CNTN1: variants seen among roughly 807,000 people sequenced by gnomAD.
The protein encoded by CNTN1 is contactin-1.
A neutral mutation model predicts 126.4 loss-of-function variants in CNTN1; 38 were observed. That is an observed-to-expected ratio of 0.30 (90% CI 0.23 to 0.39). The LOEUF is 0.39. Among genes scored for constraint, CNTN1 ranks in the 10% least tolerant of loss-of-function variants. The pLI is 1.00. For missense variants in CNTN1, 1,009 were observed against 1,248.4 expected (o/e 0.81, Z 2.89); for synonymous variants, 413 against 422.6 (o/e 0.98, Z 0.28).
At chr12:41,003,684 G>A (rs1312481881) in intron 17 of CNTN1, among the ~76,000 whole-genome samples, 1 of 151,754 alleles carries the variant, frequency 6.6e-6, no homozygotes, top group Non-Finnish European at 1.5e-5. Flanking sequence ...CTTGGGAGAG[G>A]GTATGTATCC....
rs572171987 is a variant in CNTN1 at position 40,729,410 on chromosome 12, G to A, written c.-77+36818G>A. ...GGAAGAAGGTGATATTGTTAATGTC[G>A]ACATCACTCTTTATTGCATTGGTTA... On this transcript the variant is annotated intron_variant, in intron 1 of 23. Transcript: ENST00000551295. 84 of 154,470 alleles carry A rather than the reference G, an allele frequency of 5.4e-4. 2 individuals carry two copies. The South Asian group carries it at 0.016, about 29-fold the overall frequency. The allele number at this position is 154,470 out of a possible 1,614,324, so 9.6% of individuals were successfully genotyped here.
At chr12:40,995,194 G>A (rs536328125) in intron 17 of CNTN1, among the ~76,000 whole-genome samples, 39 of 152,122 alleles carry the variant, frequency 2.6e-4, no homozygotes, top group African/African-American at 9.4e-4. Context: ...TTTACTTATA[G>A]CAGTCCCTGT....
chr12:40,792,718 G>T (rs1357841315), intron 1 of CNTN1, among the ~76,000 whole-genome samples: 2 of 151,836 alleles, frequency 1.3e-5, no homozygotes, highest in Admixed American at 1.3e-4. Context: ...ACTTTTGTGG[G>T]TCTTTTTAGT....
chr12:41,029,316 TC>T (rs1490301548), intron 23 of CNTN1, 97 bp downstream of exon 23: 2 of 1,327,192 alleles, frequency 1.5e-6, no homozygotes, highest in African/African-American at 1.4e-5. Flanking sequence ...TACACCAGTG[TC>T]CATATTTTCC....
intron 15 of CNTN1, among the ~76,000 whole-genome samples, chr12:40,971,059 T>G (rs1947493040): frequency 6.6e-6 from 1 of 152,204 alleles, no homozygotes. Flanking sequence ...CTTATTACTT[T>G]TATTCTTAGA....
chr12:41,036,502 C>A (rs1312500807), intron 23 of CNTN1, among the ~76,000 whole-genome samples: 1 of 152,114 alleles, frequency 6.6e-6, no homozygotes, highest in African/African-American at 2.4e-5. Flanking sequence ...GCTTCTAAAT[C>A]AGTTTCATGG....
intron 19 of CNTN1, among the ~76,000 whole-genome samples, chr12:41,018,728 A>G (rs1201119627): frequency 6.6e-6 from 1 of 151,364 alleles, no homozygotes; most frequent in Non-Finnish European, 1.5e-5. Context: ...GTATGTGTGT[A>G]TTTTTTTACT....
At chr12:40,702,064 A>C (rs1204018674) in intron 1 of CNTN1, among the ~76,000 whole-genome samples, 1 of 151,528 alleles carries the variant, frequency 6.6e-6, no homozygotes, top group Non-Finnish European at 1.5e-5. Flanking sequence ...TAGAATCTAC[A>C]TAAACGGAAT....
intron 3 of CNTN1, among the ~76,000 whole-genome samples, chr12:40,914,957 A>T (rs10506178): frequency 0.25 from 38,419 of 151,922 alleles, 5,273 homozygotes; most frequent in Middle Eastern, 0.34. Context: ...GCATGGCCTC[A>T]TCATTATTAG....
chr12:41,013,675 A>G (rs1402208881), intron 17 of CNTN1, among the ~76,000 whole-genome samples: 1 of 152,194 alleles, frequency 6.6e-6, no homozygotes, highest in East Asian at 1.9e-4. Flanking sequence ...CTAGCAGGGA[A>G]ACTGATACTA....
intron 1 of CNTN1, among the ~76,000 whole-genome samples, chr12:40,863,761 G>A (rs1943192658): frequency 1.3e-5 from 1 of 76,366 alleles, no homozygotes; most frequent in African/African-American, 8.5e-5. Context: ...AATGCCTGAT[G>A]ATCTGTGGAA....
rs139452548 is a variant in CNTN1, at chr12:40,868,008, G to A, written c.-76-40349G>A. Among the ~76,000 whole-genome samples, 306 of 151,808 alleles carry A rather than the reference G, an allele frequency of 2.0e-3. 8 individuals are homozygous for A. The East Asian group carries it at 0.041, about 20-fold the overall frequency. On this transcript the variant is annotated intron_variant, in intron 1 of 23. Coordinates refer to ENST00000551295, the MANE Select transcript of CNTN1 (RefSeq NM_001843.4). ...TTTGAACCTAATTTTGGGACCTGTTGTAATTTCTGGTTTTAGCTTTACTAC... is the reference window on the plus strand; with the variant it reads ...TTTGAACCTAATTTTGGGACCTGTTATAATTTCTGGTTTTAGCTTTACTAC...
chr12:40,810,087 A>C (rs974015795), intron 1 of CNTN1, among the ~76,000 whole-genome samples: 1 of 152,128 alleles, frequency 6.6e-6, no homozygotes, highest in African/African-American at 2.4e-5. Context: ...GTTTTTAGAT[A>C]AGTACCTTTT....
At chr12:41,044,870 T>C (rs184706621) in intron 23 of CNTN1, among the ~76,000 whole-genome samples, 116 of 152,200 alleles carry the variant, frequency 7.6e-4, no homozygotes, top group African/African-American at 2.6e-3. Context: ...AAAATTTTAA[T>C]TTTACTAAAA....
intron 7 of CNTN1, 114 bp from the exon 8 acceptor site, chr12:40,933,347 A>G (rs1168916986): frequency 1.3e-6 from 1 of 783,880 alleles, no homozygotes; most frequent in East Asian, 2.5e-5. Flanking sequence ...CTGTACCTGT[A>G]CAGAGAAAAG....
intron 1 of CNTN1, among the ~76,000 whole-genome samples, chr12:40,839,355 A>ACT (rs34251644): frequency 0.16 from 23,709 of 152,164 alleles, 1,830 homozygotes; most frequent in Middle Eastern, 0.21. Flanking sequence ...AAGATTAGAA[A>ACT]CTGTTTAACG....
chr12:40,889,899 C>G (rs534960487), intron 1 of CNTN1, among the ~76,000 whole-genome samples: 2 of 152,092 alleles, frequency 1.3e-5, no homozygotes, highest in Non-Finnish European at 2.9e-5. Flanking sequence ...ATAATAGTTA[C>G]CTACACGTAA....
intron 3 of CNTN1, 53 bp from the exon 4 acceptor site, chr12:40,918,586 T>A: frequency 6.6e-7 from 1 of 1,521,532 alleles, no homozygotes; most frequent in Non-Finnish European, 9.0e-7. Flanking sequence ...GTTCTCAAAT[T>A]TTCTTTGACT....
At chr12:40,777,092 T>C (rs1052105734) in intron 1 of CNTN1, among the ~76,000 whole-genome samples, 1 of 151,680 alleles carries the variant, frequency 6.6e-6, no homozygotes, top group Non-Finnish European at 1.5e-5. Context: ...TATATTCAAC[T>C]TCCTTTTTGA....
Sources: allele counts gnomAD v4.1 joint callset (sites outside exome capture counted in the v4.1 genomes callset), GRCh38; gene constraint gnomAD v4.1.1; transcripts MANE v1.5; gene names NCBI Gene and HGNC (gene_info 2026-07-23, HGNC 2026-07-21).